SYNE1: variants seen among roughly 807,000 people sequenced by gnomAD.
The protein encoded by SYNE1 is nesprin-1.
Under a neutral mutation model 1,111.0 loss-of-function variants are expected in SYNE1, and 616 were observed. The ratio of observed to expected loss-of-function variants is 0.55; its 90% CI spans 0.52 to 0.59. The LOEUF (loss-of-function observed/expected upper bound fraction) is 0.59. SYNE1 is among the 20% of genes least tolerant of loss of function. The probability of loss-of-function intolerance (pLI) is 0.00; values close to 1 mark genes in which losing one functional copy is unlikely to be tolerated. For synonymous variants in SYNE1, 3,855 were observed against 3,825.8 expected (o/e 1.01, Z -0.28); for missense variants, 10,006 against 10,417.0 (o/e 0.96, Z 1.72).
At chr6:152,230,501 C>G (rs1165622919) in intron 115 of SYNE1, 46 bp downstream of exon 115, 1 of 1,588,590 alleles carries the variant, frequency 6.3e-7, no homozygotes, top group African/African-American at 1.3e-5. Flanking sequence ...TTAGCATACG[C>G]TATGAAATTG....
chr6:152,362,359 G>C (rs762410954), intron 63 of SYNE1, 36 bp from the exon 64 acceptor site: 1 of 1,613,840 alleles, frequency 6.2e-7, no homozygotes, highest in Admixed American at 1.7e-5. Context: ...AATCCACATT[G>C]AGAATCCTTA....
chr6:152,594,170 CTG>C (rs2099574536), intron 3 of SYNE1, among the ~76,000 whole-genome samples: 1 of 152,150 alleles, frequency 6.6e-6, no homozygotes. Context: ...TCTTGCCATT[CTG>C]TGTGGGACAG....
At chr6:152,191,446 T>G (rs1229704641) in intron 127 of SYNE1, among the ~76,000 whole-genome samples, 1 of 152,132 alleles carries the variant, frequency 6.6e-6, no homozygotes, top group Admixed American at 6.5e-5. Flanking sequence ...TATTATGGCT[T>G]CAATCTTGTT....
intron 125 of SYNE1, among the ~76,000 whole-genome samples, chr6:152,206,891 A>G (rs1260703244): frequency 6.6e-6 from 1 of 152,154 alleles, no homozygotes. Context: ...GAGTGGTAGG[A>G]GATGAGGCCA....
intron 84 of SYNE1, among the ~76,000 whole-genome samples, chr6:152,319,668 C>T (rs560609564): frequency 6.6e-6 from 1 of 152,132 alleles, no homozygotes; most frequent in African/African-American, 2.4e-5. Context: ...AGAAACATTT[C>T]TTTATGTAGT....
intron 130 of SYNE1, among the ~76,000 whole-genome samples, chr6:152,168,547 A>C (rs545322842): frequency 6.6e-6 from 1 of 152,354 alleles, no homozygotes; most frequent in South Asian, 2.1e-4. Context: ...CTGTTCTGTA[A>C]GGACAGTCAA....
At chr6:152,601,320 CA>C in intron 3 of SYNE1, among the ~76,000 whole-genome samples, 1 of 152,256 alleles carries the variant, frequency 6.6e-6, no homozygotes, top group Non-Finnish European at 1.5e-5. Flanking sequence ...CCTGGCTAGG[CA>C]TAGGGTTAAT....
At chr6:152,265,505 G>A (rs546391718) in intron 100 of SYNE1, among the ~76,000 whole-genome samples, 1 of 152,034 alleles carries the variant, frequency 6.6e-6, no homozygotes, top group Admixed American at 6.5e-5. Flanking sequence ...GTTCCTATGA[G>A]GTTAAATTTC....
chr6:152,353,788 T>C, intron 67 of SYNE1, 44 bp from the exon 68 acceptor site: 1 of 1,610,412 alleles, frequency 6.2e-7, no homozygotes, highest in Middle Eastern at 1.7e-4. Context: ...ATCTTAGCCA[T>C]TCGAATAAGC....
At chr6:152,161,266 A>G (rs1282615943) in intron 131 of SYNE1, among the ~76,000 whole-genome samples, 1 of 148,374 alleles carries the variant, frequency 6.7e-6, no homozygotes, top group Non-Finnish European at 1.5e-5. Context: ...TATATTATTT[A>G]ATAATAAATA....
At chr6:152,337,661 T>G (rs1362284655) in intron 75 of SYNE1, among the ~76,000 whole-genome samples, 1 of 152,222 alleles carries the variant, frequency 6.6e-6, no homozygotes, top group Non-Finnish European at 1.5e-5. Flanking sequence ...GGCATTTCAG[T>G]AGATTCATCT....
chr6:152,213,244 C>T (rs775999969), intron 123 of SYNE1, among the ~76,000 whole-genome samples: 1 of 152,182 alleles, frequency 6.6e-6, no homozygotes, highest in Non-Finnish European at 1.5e-5. Flanking sequence ...AGCATAGTCT[C>T]TTAAGCAATT....
At chr6:152,249,043 T>A (rs2088306285) in intron 105 of SYNE1, 118 bp downstream of exon 105, 3 of 751,114 alleles carry the variant, frequency 4.0e-6, no homozygotes, top group Middle Eastern at 2.8e-4. Context: ...AAAACAAAAA[T>A]ACTACAAACA....
At chr6:152,220,529 C>T (rs912777727) in intron 119 of SYNE1, among the ~76,000 whole-genome samples, 1 of 152,004 alleles carries the variant, frequency 6.6e-6, no homozygotes, top group African/African-American at 2.4e-5. Flanking sequence ...AACACTATTC[C>T]CCATATGGTC....
chr6:152,247,750 TACACACACACAC>T (rs61420132), intron 105 of SYNE1, among the ~76,000 whole-genome samples: 2 of 112,362 alleles, frequency 1.8e-5, no homozygotes, highest in African/African-American at 7.2e-5. Context: ...TATATATATA[TACACACACACAC>T]ACACACACAC....
intron 130 of SYNE1, among the ~76,000 whole-genome samples, chr6:152,172,606 A>C (rs775069428): frequency 1.3e-5 from 2 of 152,212 alleles, no homozygotes; most frequent in Non-Finnish European, 2.9e-5. Context: ...TAATACTAAA[A>C]AGACAGATTT....
chr6:152,156,390 GC>G (rs927168317), intron 131 of SYNE1, among the ~76,000 whole-genome samples: 6 of 152,062 alleles, frequency 3.9e-5, no homozygotes, highest in African/African-American at 1.4e-4. Flanking sequence ...AATGAATCTT[GC>G]CCCAGACTCT....
chr6:152,457,998 T>C (rs1462189444), intron 22 of SYNE1, among the ~76,000 whole-genome samples: 1 of 151,202 alleles, frequency 6.6e-6, no homozygotes, highest in Non-Finnish European at 1.5e-5. Context: ...TTTATATATA[T>C]TTATCTTTTA....
rs748909185 is a variant in SYNE1 at position 152,391,484 on chromosome 6, G to C, written c.7797C>G (p.Ser2599=). ...HGAGQEGRLC[S]QLLTSHQNLL... is the part of the protein sequence containing the mutation. Reference sequence around the variant, plus strand: ...GGTTCTGGTGGCTTGTGAGGAGCTGGGAACACAGGCGGCCCTCCTGCCCAG... The same window carrying C: ...GGTTCTGGTGGCTTGTGAGGAGCTGCGAACACAGGCGGCCCTCCTGCCCAG... Residue 2599 remains serine (S), a synonymous_variant, in exon 52 of 146, where the codon TCC becomes TCG. Coordinates refer to ENST00000367255, the MANE Select transcript of SYNE1 (RefSeq NM_182961.4). 16 of 1,612,842 alleles carry C rather than the reference G, an allele frequency of 9.9e-6. No individual in the cohort carries two copies. The highest frequency in any genetic ancestry group is 1.4e-5 in the Non-Finnish European group (16 of 1,179,904).
Sources: gnomAD v4.1 joint callset for allele counts (sites outside exome capture counted in the v4.1 genomes callset) on GRCh38, gnomAD v4.1.1 for gene constraint, MANE v1.5 for transcripts, NCBI Gene and HGNC (gene_info 2026-07-23, HGNC 2026-07-21) for gene names.